Variants in CLDN14 observed in about 807,000 individuals in gnomAD.
CLDN14 encodes claudin 14.
CLDN14 carries 2 observed loss-of-function variants against 2.1 expected under a neutral mutation model. The observed-to-expected ratio is 0.96, with a 90% confidence interval of 0.39 to 3.01. The LOEUF (loss-of-function observed/expected upper bound fraction) is 3.01, where lower values mean the gene tolerates loss of function less well. CLDN14 is among the 30% of genes most tolerant of loss of function. CLDN14 has a pLI of 0.09. For missense variants in CLDN14, 298 were observed against 328.0 expected (o/e 0.91, Z 0.71); for synonymous variants, 136 against 154.4 (o/e 0.88, Z 0.88).
chr21:36,461,420 G>A lies in CLDN14; in HGVS notation c.276C>T (p.Gly92=). ...CGATGACGGCGCAGGCGCAGGCTATGCCCGAGAGCAGGCAGGAGATGACCA... is the reference window on the plus strand; with the variant it reads ...CGATGACGGCGCAGGCGCAGGCTATACCCGAGAGCAGGCAGGAGATGACCA... ...ALMVISCLLS[G]IACACAVIGM... Residue 92 remains glycine, a synonymous_variant, in exon 2 of 2, where the codon GGC becomes GGT. Coordinates refer to ENST00000399135, the MANE Select transcript of CLDN14 (RefSeq NM_001146079.2). 6.2e-7 allele frequency: 1 copy of A among 1,613,288 alleles called. No individual in the cohort carries two copies. Among genetic ancestry groups the A allele is most frequent in the East Asian group, 2.2e-5 (1 of 44,880 alleles).
intron 1 of CLDN14, among the ~76,000 whole-genome samples, chr21:36,539,115 C>T (rs539424712): frequency 8.5e-5 from 13 of 152,130 alleles, no homozygotes; most frequent in African/African-American, 1.9e-4. Flanking sequence ...TAAGAGATGC[C>T]GAGAATGAGC....
At chr21:36,567,492 C>T (rs1396904344) in intron 1 of CLDN14, among the ~76,000 whole-genome samples, 1 of 152,176 alleles carries the variant, frequency 6.6e-6, no homozygotes, top group Non-Finnish European at 1.5e-5. Flanking sequence ...AACTCAGGGG[C>T]CTTCCTTAAT....
At chr21:36,482,440 GGATGGATGGATA>G (rs1440970577), upstream of CLDN14, among the ~76,000 whole-genome samples, 131 of 146,604 alleles carry the variant, frequency 8.9e-4, no homozygotes, top group African/African-American at 3.1e-3. Flanking sequence ...ATGGATGGAT[GGATGGATGGATA>G]GATGGATGGA....
Position 36,468,763 on chromosome 21 carries a change from CTTTCTTTT to C in CLDN14, c.-81-6995_-81-6988del, listed in dbSNP as rs2086676801. ...CTTTTTTCTTTTTCTTTCTTTCTTT[CTTTCTTTT>C]TTTTTTGAGACAGAATCTCGCTCTG... is the stretch of plus-strand genomic sequence containing the variant. On this transcript the variant is annotated intron_variant, in intron 1 of 1. Transcript: ENST00000399135. Among the ~76,000 whole-genome samples the C allele has an allele frequency of 4.0e-5, 6 of 148,214 alleles. No individual in the cohort carries two copies. In the South Asian group the frequency reaches 1.1e-3, roughly 26 times the overall value.
chr21:36,485,036 C>A (rs542392419), upstream of CLDN14, among the ~76,000 whole-genome samples: 2 of 149,086 alleles, frequency 1.3e-5, no homozygotes, highest in East Asian at 3.9e-4. Context: ...CTAATGGGCT[C>A]ATCTTAACTT....
intron 1 of CLDN14, among the ~76,000 whole-genome samples, chr21:36,543,857 C>G (rs1031302989): frequency 6.6e-6 from 1 of 152,098 alleles, no homozygotes; most frequent in Non-Finnish European, 1.5e-5. Flanking sequence ...GACACGTAAA[C>G]AGCCACCCCC....
chr21:36,525,413 T>G (rs2087316948), intron 1 of CLDN14, among the ~76,000 whole-genome samples: 1 of 150,542 alleles, frequency 6.6e-6, no homozygotes, highest in Non-Finnish European at 1.5e-5. Context: ...AATAAAGACT[T>G]GAAGCTGGCA....
chr21:36,487,338 T>C, intron 2 of CLDN14: 1 of 232,662 alleles, frequency 4.3e-6, no homozygotes, highest in Non-Finnish European at 8.8e-6. Flanking sequence ...GGCCTGCAGC[T>C]GGGTGGGGAA....
chr21:36,524,689 T>C (rs544889400), intron 1 of CLDN14, among the ~76,000 whole-genome samples: 5 of 152,274 alleles, frequency 3.3e-5, no homozygotes, highest in South Asian at 4.1e-4. Flanking sequence ...TGCCACCTGA[T>C]ATTCCAATGT....
chr21:36,544,048 G>A lies in CLDN14; in HGVS notation c.-220+32363C>T, dbSNP rs1433437525. Among the ~76,000 whole-genome samples, 2 of 152,358 alleles carry A rather than the reference G, an allele frequency of 1.3e-5. No individual in the cohort carries two copies. Among genetic ancestry groups the A allele is most frequent in the East Asian group, 1.9e-4 (1 of 5,184 alleles). ...CAACCGTCTGTGCTGAGCCGCACCTGCACTGGCTGAATTGCTAGCAGCCGG... is the reference window on the plus strand; with the variant it reads ...CAACCGTCTGTGCTGAGCCGCACCTACACTGGCTGAATTGCTAGCAGCCGG... On this transcript the variant is annotated intron_variant, in intron 1 of 2. Coordinates refer to the CLDN14 transcript ENST00000342108. The surrounding 1 kb of genome is among the most constrained non-coding windows in gnomAD (Gnocchi z 4.1).
At position 36,499,957 on chromosome 21, in the gene CLDN14, C is replaced by T. The variant is rs1172208028; in HGVS notation, c.-82+10406G>A. On this transcript the variant is annotated intron_variant, in intron 2 of 2. Coordinates refer to the CLDN14 transcript ENST00000342108. The surrounding 1 kb of genome is among the most constrained non-coding windows in gnomAD (Gnocchi z 4.7). ...CCCAGAAGCCTGCCCCAGCCGCGCACACAGAGTCTACCTGTCTTCCAATGC... is the reference window on the plus strand; with the variant it reads ...CCCAGAAGCCTGCCCCAGCCGCGCATACAGAGTCTACCTGTCTTCCAATGC... 3.3e-5 allele frequency among the ~76,000 whole-genome samples: 5 copies of T among 152,118 alleles called. No individual in the cohort carries two copies. Among genetic ancestry groups the T allele is most frequent in the Admixed American group, 6.5e-5 (1 of 15,270 alleles).
At chr21:36,524,142 T>C (rs1320626638) in intron 1 of CLDN14, among the ~76,000 whole-genome samples, 1 of 150,520 alleles carries the variant, frequency 6.6e-6, no homozygotes, top group Non-Finnish European at 1.5e-5. Flanking sequence ...TGAGACGGGG[T>C]CTCACTTGCT....
At chr21:36,508,145 G>A (rs1316715586) in intron 2 of CLDN14, among the ~76,000 whole-genome samples, 4 of 152,158 alleles carry the variant, frequency 2.6e-5, no homozygotes, top group Non-Finnish European at 5.9e-5. Flanking sequence ...GTCCTGAGTT[G>A]TGTTCTGCAA....
chr21:36,549,054 A>C (rs1268843306), intron 1 of CLDN14, among the ~76,000 whole-genome samples: 4 of 152,076 alleles, frequency 2.6e-5, no homozygotes, highest in African/African-American at 9.7e-5. Flanking sequence ...CAAACCATGC[A>C]CAATGGCCCA....
chr21:36,573,064 G>A (rs1454097388), intron 1 of CLDN14, among the ~76,000 whole-genome samples: 1 of 152,232 alleles, frequency 6.6e-6, no homozygotes, highest in African/African-American at 2.4e-5. Flanking sequence ...CACTTTGGAA[G>A]GCCGAGGCAG....
chr21:36,504,175 T>C (rs1436741684), intron 2 of CLDN14, among the ~76,000 whole-genome samples: 2 of 150,992 alleles, frequency 1.3e-5, no homozygotes, highest in Non-Finnish European at 2.9e-5. Context: ...CCCATCTATA[T>C]GTAAAAATAA....
chr21:36,539,326 GGAGTGTGTGTGGAGT>G (rs905707812), intron 1 of CLDN14, among the ~76,000 whole-genome samples: 155 of 151,854 alleles, frequency 1.0e-3, no homozygotes, highest in African/African-American at 3.5e-3. Context: ...GAGTGCGTGT[GGAGTGTGTGTGGAGT>G]GAGTGTGTGT....
intron 2 of CLDN14, among the ~76,000 whole-genome samples, chr21:36,507,670 G>A (rs538947773): frequency 3.9e-5 from 6 of 152,188 alleles, no homozygotes; most frequent in African/African-American, 9.6e-5. Flanking sequence ...AGGCTGAGGC[G>A]GGAGAATCAC....
intron 1 of CLDN14, among the ~76,000 whole-genome samples, chr21:36,522,873 C>T (rs749502579): frequency 1.3e-5 from 2 of 152,072 alleles, no homozygotes; most frequent in East Asian, 1.9e-4. Flanking sequence ...TCTTCAATGC[C>T]CTGCCATTGG....
Sources: allele counts gnomAD v4.1 joint callset (sites outside exome capture counted in the v4.1 genomes callset), GRCh38; gene constraint gnomAD v4.1.1; non-coding constraint Gnocchi (gnomAD v3.1); transcripts MANE v1.5; gene names NCBI Gene and HGNC (gene_info 2026-07-23, HGNC 2026-07-21).